Variants in PSTPIP1 observed in about 807,000 individuals in gnomAD.
PSTPIP1 encodes proline-serine-threonine phosphatase-interacting protein 1.
PSTPIP1 carries 66 observed loss-of-function variants against 69.6 expected under a neutral mutation model. That is an observed-to-expected ratio of 0.95 (90% CI 0.78 to 1.16). PSTPIP1 has a LOEUF of 1.16. PSTPIP1 is among the 50% of genes most tolerant of loss of function. The pLI is 0.00. For missense variants in PSTPIP1, 603 were observed against 557.4 expected (o/e 1.08, Z -0.82); for synonymous variants, 266 against 222.7 (o/e 1.19, Z -1.73).
At chr15:76,997,622 G>T (rs1166395072) in intron 1 of PSTPIP1, among the ~76,000 whole-genome samples, 1 of 152,154 alleles carries the variant, frequency 6.6e-6, no homozygotes, top group Non-Finnish European at 1.5e-5. Context: ...TAAACCCCTG[G>T]CAGGCTGGCT....
At position 77,028,561 on chromosome 15, in the gene PSTPIP1, A is replaced by C. The variant is rs1181890332; in HGVS notation, c.425A>C (p.Lys142Thr). 7 of 1,600,974 alleles carry C rather than the reference A, an allele frequency of 4.4e-6. No homozygotes were observed. The highest frequency in any genetic ancestry group is 1.7e-5 in the Admixed American group (1 of 58,108). Residue 142 changes from lysine to threonine, a missense_variant, in exon 7 of 15, where the codon AAG becomes ACG. Physicochemically the swap from Lys to Thr is moderately conservative, Grantham distance 78. Coordinates refer to ENST00000558012, the MANE Select transcript of PSTPIP1 (RefSeq NM_003978.5). ...GCCCCTCCACACCCCCAGTCCAAGA[A>C]GACATACGAGCAGAAGTGCCGGGAC... ...SLYKKAMESK[K>T]TYEQKCRDAD...
chr15:77,032,980 C>T (rs766561019), intron 12 of PSTPIP1, 28 bp downstream of exon 12: 3 of 1,572,466 alleles, frequency 1.9e-6, no homozygotes, highest in Non-Finnish European at 2.6e-6. Context: ...GGAGGGAGGG[C>T]CTAAGGCTGG....
intron 8 of PSTPIP1, among the ~76,000 whole-genome samples, chr15:77,030,197 TCA>T (rs1355093169): frequency 1.3e-5 from 2 of 152,156 alleles, no homozygotes; most frequent in Non-Finnish European, 2.9e-5. Context: ...TCTCTGAACC[TCA>T]GTTTCCCCTC....
intron 2 of PSTPIP1, 68 bp downstream of exon 2, chr15:77,018,316 C>T (rs908875873): frequency 2.0e-6 from 3 of 1,538,014 alleles, no homozygotes; most frequent in Admixed American, 3.9e-5. Context: ...GCTCCTGGGA[C>T]AGTGGACGAG....
At chr15:76,994,716 A>G (rs1235124055), upstream of PSTPIP1, 1 of 1,278,558 alleles carries the variant, frequency 7.8e-7, no homozygotes, top group African/African-American at 1.5e-5. Flanking sequence ...CCCAGAGCAC[A>G]GCTGTGTCTG....
rs1442641132 is a variant in PSTPIP1, at chr15:77,027,439, T to C, written c.355-413T>C. 6.6e-6 allele frequency among the ~76,000 whole-genome samples: 1 copy of C among 152,142 alleles called. No individual in the cohort carries two copies. The highest frequency in any genetic ancestry group is 1.9e-4 in the East Asian group (1 of 5,190). Reference sequence around the variant, plus strand: ...GCCTGTGATCATGCGTGTGGGCAGCTAGGGATGGGGCCTGTGTGCCTCCGA... The same window carrying C: ...GCCTGTGATCATGCGTGTGGGCAGCCAGGGATGGGGCCTGTGTGCCTCCGA... On this transcript the variant is annotated intron_variant, in intron 5 of 14. Coordinates refer to ENST00000558012, the MANE Select transcript of PSTPIP1 (RefSeq NM_003978.5). The surrounding 1 kb of genome is among the most constrained non-coding windows in gnomAD (Gnocchi z 4.3).
In PSTPIP1 at chr15:77,030,529, A is replaced by G; in HGVS notation, c.590A>G (p.Gln197Arg). Reference sequence around the variant, plus strand: ...CGGGTATACAGGCAGAGCATTGCGCAGCTGGAGAAGGTCCGGGCTGAGTGG... The same window carrying G: ...CGGGTATACAGGCAGAGCATTGCGCGGCTGGAGAAGGTCCGGGCTGAGTGG... ...AERVYRQSIAQLEKVRAEWEQ... is the reference protein window; with the variant it reads ...AERVYRQSIARLEKVRAEWEQ... The change falls in exon 9 of 15, where the codon CAG (glutamine) becomes CGG (arginine). Residue 197 changes from glutamine (Q) to arginine (R), a missense_variant. Physicochemically the swap from Gln to Arg is conservative, Grantham distance 43. Coordinates refer to ENST00000558012, the MANE Select transcript of PSTPIP1 (RefSeq NM_003978.5). The G allele has an allele frequency of 6.2e-7, 1 of 1,612,496 alleles. No individual in the cohort carries two copies. The highest frequency in any genetic ancestry group is 8.5e-7 in the Non-Finnish European group (1 of 1,179,456).
intron 1 of PSTPIP1, among the ~76,000 whole-genome samples, chr15:76,996,767 T>G (rs1406313748): frequency 6.6e-6 from 1 of 152,124 alleles, no homozygotes; most frequent in Non-Finnish European, 1.5e-5. Flanking sequence ...AAAGACAGGG[T>G]GGGCCCAGCC....
At chr15:77,004,395 G>A (rs117578733) in intron 1 of PSTPIP1, among the ~76,000 whole-genome samples, 5,645 of 152,314 alleles carry the variant, frequency 0.037, 151 homozygotes, top group Middle Eastern at 0.12. Flanking sequence ...CAGCCAGTGT[G>A]GGGATGTGGT....
chr15:77,018,682 C>G (rs576634766), intron 3 of PSTPIP1, among the ~76,000 whole-genome samples, 151 bp downstream of exon 3: 1 of 152,240 alleles, frequency 6.6e-6, no homozygotes, highest in South Asian at 2.1e-4. Flanking sequence ...ATTGGGCATT[C>G]AGGGTGAGGC....
intron 1 of PSTPIP1, among the ~76,000 whole-genome samples, chr15:77,012,172 CCCA>C (rs2075954919): frequency 9.2e-6 from 1 of 108,920 alleles, no homozygotes; most frequent in Non-Finnish European, 2.0e-5. Flanking sequence ...CACCCACCCA[CCCA>C]CCCATTCACC....
chr15:77,012,380 CCCATCCAT>C (rs1260456735), intron 1 of PSTPIP1, among the ~76,000 whole-genome samples: 1 of 137,340 alleles, frequency 7.3e-6, no homozygotes, highest in African/African-American at 2.7e-5. Context: ...CACCTATCCA[CCCATCCAT>C]CCATCCACCC....
At chr15:77,020,856 C>G (rs1000900713) in intron 3 of PSTPIP1, among the ~76,000 whole-genome samples, 4 of 101,364 alleles carry the variant, frequency 3.9e-5, no homozygotes, top group African/African-American at 1.6e-4. Flanking sequence ...GTTTCCTCAT[C>G]TTAGACTCCT....
intron 9 of PSTPIP1, among the ~76,000 whole-genome samples, chr15:77,030,916 C>T (rs564867887): frequency 2.0e-5 from 3 of 152,248 alleles, no homozygotes; most frequent in Admixed American, 6.5e-5. Context: ...GTCCGAGGTC[C>T]CTCTCACTAC....
rs548834548 is a variant in PSTPIP1 at position 77,027,312 on chromosome 15, A to C, written c.355-540A>C. On this transcript the variant is annotated intron_variant, in intron 5 of 14. Coordinates refer to ENST00000558012, the MANE Select transcript of PSTPIP1 (RefSeq NM_003978.5). This position sits in a 1 kb window ranked among gnomAD's most constrained non-coding sequence, Gnocchi z 4.3. ...AGGCTTTGGCCCCAGACCTCGGCACAGGGGCCCAGTGGCCACTGTGCCTGC... is the reference window on the plus strand; with the variant it reads ...AGGCTTTGGCCCCAGACCTCGGCACCGGGGCCCAGTGGCCACTGTGCCTGC... Among the ~76,000 whole-genome samples the C allele has an allele frequency of 6.6e-6, 1 of 152,110 alleles. No homozygotes were observed. The highest frequency in any genetic ancestry group is 2.4e-5 in the African/African-American group (1 of 41,410).
chr15:77,018,475 G>A lies in PSTPIP1; in HGVS notation c.156G>A (p.Arg52=). 1 of 1,584,226 alleles carries A rather than the reference G, an allele frequency of 6.3e-7. No individual in the cohort carries two copies. The highest frequency in any genetic ancestry group is 8.6e-7 in the Non-Finnish European group (1 of 1,165,256). The change falls in exon 3 of 15, where the codon CGG becomes CGA. Residue 52 remains arginine (R), a synonymous_variant. Transcript: ENST00000558012. ...LLRQRAQAEE[R]YGKELVQIAR... is the part of the protein sequence containing the mutation. The stretch of plus-strand genomic sequence containing the variant: ...TTTGCAGGGCCCAGGCGGAGGAGCG[G>A]TACGGGAAGGAGCTGGTGCAGATCG...
At position 77,010,775 on chromosome 15, in the gene PSTPIP1, T is replaced by C. The variant is rs370427607; in HGVS notation, c.37-7373T>C. On this transcript the variant is annotated intron_variant, in intron 1 of 14. Coordinates refer to ENST00000558012, the MANE Select transcript of PSTPIP1 (RefSeq NM_003978.5). ...TGATTCTCCTGCCTCACCCTCCGAGTAGCGGGGATTACATGTGCCCGCCAC... is the reference window on the plus strand; with the variant it reads ...TGATTCTCCTGCCTCACCCTCCGAGCAGCGGGGATTACATGTGCCCGCCAC... 2.3e-3 allele frequency among the ~76,000 whole-genome samples: 343 copies of C among 152,020 alleles called. 2 individuals are homozygous for C. Among genetic ancestry groups the C allele is most frequent in the African/African-American group, 7.8e-3 (325 of 41,454 alleles).
At chr15:77,004,746 G>A (rs1000557854) in intron 1 of PSTPIP1, among the ~76,000 whole-genome samples, 1 of 151,728 alleles carries the variant, frequency 6.6e-6, no homozygotes, top group African/African-American at 2.4e-5. Flanking sequence ...TGTAGTCTCA[G>A]CTACTTGGGA....
At chr15:77,032,443 TG>T (rs1228065583) in intron 11 of PSTPIP1, 49 bp downstream of exon 11, 1 of 1,589,602 alleles carries the variant, frequency 6.3e-7, no homozygotes, top group South Asian at 1.1e-5. Flanking sequence ...ATTGAGCCCC[TG>T]GGAAGGCCCG....
Sources: allele counts gnomAD v4.1 joint callset (sites outside exome capture counted in the v4.1 genomes callset), GRCh38; gene constraint gnomAD v4.1.1; non-coding constraint Gnocchi (gnomAD v3.1); transcripts MANE v1.5; gene names NCBI Gene and HGNC (gene_info 2026-07-23, HGNC 2026-07-21).